Variants in ZNF483 observed in about 807,000 individuals in gnomAD.
The protein encoded by ZNF483 is zinc finger protein HIT-10.
A neutral mutation model predicts 28.6 loss-of-function variants in ZNF483; 9 were observed. The observed-to-expected ratio is 0.32, with a 90% CI of 0.19 to 0.55. ZNF483 has a LOEUF of 0.55. Among genes scored for constraint, ZNF483 ranks in the 20% least tolerant of loss-of-function variants. The probability of loss-of-function intolerance (pLI) is 0.93; values close to 1 mark genes in which losing one functional copy is unlikely to be tolerated. For synonymous variants in ZNF483, 322 were observed against 306.2 expected, an observed-to-expected ratio of 1.05 and a Z score of -0.54; for missense variants, 675 against 871.7, an observed-to-expected ratio of 0.77 and a Z score of 2.84.
Position 111,532,483 on chromosome 9 carries a change from C to T in ZNF483, c.502-1256C>T, listed in dbSNP as rs1827373066. Reference sequence around the variant, plus strand: ...TAGGCAGAGTTTGGAGTGATAGGGCCGTAAGACAAGGAACTGTGGCAGCCA... The same window carrying T: ...TAGGCAGAGTTTGGAGTGATAGGGCTGTAAGACAAGGAACTGTGGCAGCCA... On this transcript the variant is annotated intron_variant, in intron 3 of 5. Coordinates refer to ENST00000309235, the MANE Select transcript of ZNF483 (RefSeq NM_133464.5). Among the ~76,000 whole-genome samples, 4 of 151,970 alleles carry T rather than the reference C, an allele frequency of 2.6e-5. No individual in the cohort carries two copies. In the South Asian group the frequency reaches 8.3e-4, roughly 32 times the overall value.
At chr9:111,532,727 G>T (rs1331430853) in intron 3 of ZNF483, among the ~76,000 whole-genome samples, 1 of 152,168 alleles carries the variant, frequency 6.6e-6, no homozygotes, top group Non-Finnish European at 1.5e-5. Flanking sequence ...TAAAAAGCAT[G>T]CAGAGAATGC....
intron 2 of ZNF483, 84 bp downstream of exon 2, chr9:111,527,891 G>A (rs1243406237): frequency 1.2e-6 from 2 of 1,605,930 alleles, no homozygotes; most frequent in Admixed American, 1.7e-5. Flanking sequence ...GCAATTTACT[G>A]CTAAAGAGGA....
chr9:111,557,476 C>T (rs953739304), downstream of ZNF483, among the ~76,000 whole-genome samples: 3 of 151,624 alleles, frequency 2.0e-5, no homozygotes, highest in Non-Finnish European at 4.4e-5. Context: ...GATGGAGTCT[C>T]GCTCTGTCTC....
At chr9:111,573,892 C>T (rs1287158229) in intron 5 of ZNF483, among the ~76,000 whole-genome samples, 1 of 152,022 alleles carries the variant, frequency 6.6e-6, no homozygotes, top group Non-Finnish European at 1.5e-5. Context: ...GGGAATGGAG[C>T]GCATGGCAGG....
chr9:111,537,822 T>C (rs2418168), intron 5 of ZNF483, among the ~76,000 whole-genome samples: 10,962 of 152,132 alleles, frequency 0.072, 606 homozygotes, highest in East Asian at 0.26. Context: ...AGAGAGAGTT[T>C]TGTCATGTTG....
downstream of ZNF483, among the ~76,000 whole-genome samples, chr9:111,556,084 A>G (rs1428686282): frequency 6.6e-6 from 1 of 152,250 alleles, no homozygotes; most frequent in Non-Finnish European, 1.5e-5. Flanking sequence ...CACTGGGTAA[A>G]TGCTCCCATT....
At chr9:111,577,832 G>A (rs1829126111) in exon 6 of ZNF483, 1 of 152,160 alleles carries the variant, frequency 6.6e-6, no homozygotes, top group Admixed American at 6.5e-5. Flanking sequence ...GTGACAGAGT[G>A]AGATCCTGTC....
intron 3 of ZNF483, among the ~76,000 whole-genome samples, 188 bp from the exon 4 acceptor site, chr9:111,533,551 C>T (rs924535511): frequency 3.9e-5 from 6 of 152,016 alleles, no homozygotes; most frequent in South Asian, 2.1e-4. Context: ...CATGGTGGCA[C>T]GTGCCTGCAG....
At chr9:111,559,468 C>A (rs1828213110), downstream of ZNF483, among the ~76,000 whole-genome samples, 3 of 152,064 alleles carry the variant, frequency 2.0e-5, no homozygotes, top group South Asian at 6.2e-4. Context: ...GGCTCTGATA[C>A]ACCATCTGGG....
rs374528124 is a variant in ZNF483, at chr9:111,542,309, G to C, written c.1374G>C (p.Arg458=). The C allele has an allele frequency of 4.3e-6, 7 of 1,614,024 alleles. No homozygotes were observed. The African/African-American group carries it at 8.0e-5, about 18-fold the overall frequency. Residue 458 remains arginine, a synonymous_variant, in exon 6 of 6, where the codon CGG becomes CGC. Coordinates refer to ENST00000309235, the MANE Select transcript of ZNF483 (RefSeq NM_133464.5). The surrounding 1 kb of genome is among the most constrained non-coding windows in gnomAD (Gnocchi z 6.2). Reference sequence around the variant, plus strand: ...ATAGCGCCTCACTCACCAAACATCGGAGAATTCACACTGGAGAAAAACCCT... The same window carrying C: ...ATAGCGCCTCACTCACCAAACATCGCAGAATTCACACTGGAGAAAAACCCT... ...FGYSASLTKH[R]RIHTGEKPYM...
At position 111,543,638 on chromosome 9, in the gene ZNF483, G is replaced by A; in HGVS notation, c.*468G>A. 6 of 985,438 alleles carry A rather than the reference G, an allele frequency of 6.1e-6. No homozygotes were observed. The highest frequency in any genetic ancestry group is 7.2e-6 in the Non-Finnish European group (6 of 830,080). The allele number at this position is 985,438 out of a possible 1,614,324, so 61.0% of individuals were successfully genotyped here. A position where few individuals can be genotyped will look rare whatever the true frequency, so the allele number is the denominator to read the frequency against. Reference sequence around the variant, plus strand: ...GATTTTTGCCTTTTTTGGTTTTTTAGTTTTTTATTGGTATCCTGATAATCT... The same window carrying A: ...GATTTTTGCCTTTTTTGGTTTTTTAATTTTTTATTGGTATCCTGATAATCT... On this transcript the variant is annotated 3_prime_UTR_variant, in exon 6 of 6. Transcript: ENST00000309235.
intron 5 of ZNF483, among the ~76,000 whole-genome samples, chr9:111,538,568 A>G (rs1827581658): frequency 6.6e-6 from 1 of 152,096 alleles, no homozygotes; most frequent in South Asian, 2.1e-4. Flanking sequence ...CTGTGATTAC[A>G]TAAATAAAGG....
chr9:111,560,972 TATAGAGAGAGAG>T (rs1262416250), intron 5 of ZNF483, among the ~76,000 whole-genome samples: 10 of 21,320 alleles, frequency 4.7e-4, no homozygotes, highest in Non-Finnish European at 6.8e-4. Context: ...TATATATATA[TATAGAGAGAGAG>T]AGAGAGAGAG....
At position 111,546,516 on chromosome 9, in the gene ZNF483, T is replaced by C. The variant is rs1350489359; in HGVS notation, c.*3346T>C. On this transcript the variant is annotated 3_prime_UTR_variant, in exon 6 of 6. Coordinates refer to ENST00000309235, the MANE Select transcript of ZNF483 (RefSeq NM_133464.5). ...TTGATTCATTATAGGATTGCTTTTA[T>C]GAAGAGCACTGTGACACATTTTACT... 2.0e-5 allele frequency among the ~76,000 whole-genome samples: 3 copies of C among 152,224 alleles called. No individual in the cohort carries two copies. Among genetic ancestry groups the C allele is most frequent in the African/African-American group, 7.2e-5 (3 of 41,476 alleles).
At chr9:111,576,230 A>C in intron 5 of ZNF483, 1 of 852,344 alleles carries the variant, frequency 1.2e-6, no homozygotes, top group Non-Finnish European at 1.8e-6. Flanking sequence ...CTGAATAGGA[A>C]AAAATATTTG....
At chr9:111,558,064 T>C (rs1828175493), downstream of ZNF483, among the ~76,000 whole-genome samples, 1 of 152,112 alleles carries the variant, frequency 6.6e-6, no homozygotes, top group African/African-American at 2.4e-5. Flanking sequence ...GGAAAATTGC[T>C]TGAACCCGGG....
At chr9:111,562,906 GT>G in intron 5 of ZNF483, 1 of 1,318,274 alleles carries the variant, frequency 7.6e-7, no homozygotes, top group Non-Finnish European at 9.8e-7. Flanking sequence ...AGAAGAAGCT[GT>G]AGTGAACAGT....
chr9:111,530,551 CT>C (rs1430063690), intron 2 of ZNF483, among the ~76,000 whole-genome samples: 1 of 151,268 alleles, frequency 6.6e-6, no homozygotes, highest in African/African-American at 2.4e-5. Context: ...AGGCCTTAAC[CT>C]TTGGGAACTG....
At chr9:111,577,162 T>C (rs1829095644) in exon 6 of ZNF483, 1 of 152,090 alleles carries the variant, frequency 6.6e-6, no homozygotes, top group Admixed American at 6.5e-5. Flanking sequence ...AACAGATATT[T>C]CTCCAAAGAA....
Sources: allele counts gnomAD v4.1 joint callset (sites outside exome capture counted in the v4.1 genomes callset), GRCh38; gene constraint gnomAD v4.1.1; non-coding constraint Gnocchi (gnomAD v3.1); transcripts MANE v1.5; gene names NCBI Gene and HGNC (gene_info 2026-07-23, HGNC 2026-07-21).